The following KMT2C variants were observed in gnomAD, a reference collection of about 807,000 sequenced individuals.
KMT2C encodes the protein lysine methyltransferase 2C.
KMT2C carries 88 observed loss-of-function variants against 507.9 expected under a neutral mutation model. That is an observed-to-expected ratio of 0.17 (90% CI 0.15 to 0.21). The LOEUF is 0.21. KMT2C is among the 10% of genes least tolerant of loss of function. The probability of loss-of-function intolerance (pLI) is 1.00; values close to 1 mark genes in which losing one functional copy is unlikely to be tolerated. For synonymous variants in KMT2C, 2,049 were observed against 2,080.8 expected (o/e 0.98, Z 0.42); for missense variants, 4,954 against 5,957.8 (o/e 0.83, Z 5.55).
chr7:152,407,956 GA>G (rs2097637174), intron 1 of KMT2C, among the ~76,000 whole-genome samples: 1 of 152,284 alleles, frequency 6.6e-6, no homozygotes. Context: ...ACAAAATATG[GA>G]ACATATACTT....
chr7:152,395,573 T>C (rs962519474), intron 1 of KMT2C, among the ~76,000 whole-genome samples: 1 of 152,140 alleles, frequency 6.6e-6, no homozygotes, highest in African/African-American at 2.4e-5. Flanking sequence ...AGTGGCGCCA[T>C]CTTGGCTCAC....
chr7:152,154,059 C>T lies in KMT2C; in HGVS notation c.12227G>A (p.Arg4076Lys). Residue 4076 changes from arginine (R) to lysine (K), a missense_variant, in exon 48 of 59, where the codon AGA becomes AAA. By Grantham distance (26) the Arg-to-Lys change is conservative (BLOSUM62 2). Coordinates refer to ENST00000262189, the MANE Select transcript of KMT2C (RefSeq NM_170606.3). The part of the protein sequence containing the change: ...SPFGPSPNGP[R>K]SGLISVAITL... ...AATTGCTACAGATATAAGACCTGAT[C>T]TGGGACCATTTGGGGAAGGACCAAA... The T allele has an allele frequency of 1.2e-6, 2 of 1,614,100 alleles. No homozygotes were observed. Among genetic ancestry groups the T allele is most frequent in the East Asian group, 2.2e-5 (1 of 44,880 alleles).
chr7:152,327,083 T>A (rs902076238), intron 3 of KMT2C, among the ~76,000 whole-genome samples: 17 of 152,228 alleles, frequency 1.1e-4, no homozygotes, highest in African/African-American at 4.1e-4. Context: ...ACAGTGGTAG[T>A]GGTAGTATAG....
intron 1 of KMT2C, among the ~76,000 whole-genome samples, chr7:152,375,985 T>G (rs758365482): frequency 1.1e-4 from 16 of 151,994 alleles, no homozygotes; most frequent in Non-Finnish European, 1.0e-4. Flanking sequence ...CCTGGCTGAT[T>G]TATTTTTTAT....
At chr7:152,246,864 C>G (rs1433153398) in intron 14 of KMT2C, among the ~76,000 whole-genome samples, 1 of 152,138 alleles carries the variant, frequency 6.6e-6, no homozygotes, top group Non-Finnish European at 1.5e-5. Context: ...CATCTGACAA[C>G]TACTTTCCCT....
rs544532350 is a variant in KMT2C at position 152,172,032 on chromosome 7, T to TA, written c.9375-691dup. Among the ~76,000 whole-genome samples, 340 of 152,270 alleles carry TA rather than the reference T, an allele frequency of 2.2e-3. 1 individual carries two copies. Among genetic ancestry groups the TA allele is most frequent in the Non-Finnish European group, 4.0e-3 (273 of 68,054 alleles). On this transcript the variant is annotated intron_variant, in intron 39 of 58. Coordinates refer to ENST00000262189, the MANE Select transcript of KMT2C (RefSeq NM_170606.3). ...TTTCCTCTGGCATTATCAAATGCTT[T>TA]AACGTATCAAGATATACATACAATT...
At chr7:152,297,057 G>GACAGACAGAA (rs756980169) in intron 6 of KMT2C, among the ~76,000 whole-genome samples, 4 of 90,750 alleles carry the variant, frequency 4.4e-5, no homozygotes, top group African/African-American at 1.9e-4. Context: ...AAGAAAGACA[G>GACAGACAGAA]AGAGAGAGAG....
chr7:152,364,749 GA>G (rs1403918372), intron 1 of KMT2C, among the ~76,000 whole-genome samples: 1 of 152,036 alleles, frequency 6.6e-6, no homozygotes, highest in Non-Finnish European at 1.5e-5. Context: ...AGAACAGTAT[GA>G]AAAATGACAA....
intron 3 of KMT2C, among the ~76,000 whole-genome samples, chr7:152,322,692 T>C (rs1373624872): frequency 1.3e-5 from 2 of 151,850 alleles, no homozygotes; most frequent in Non-Finnish European, 2.9e-5. Flanking sequence ...AAAGCAGTAA[T>C]AGACAAATGG....
Position 152,178,015 on chromosome 7 carries a change from TAAAAA to T in KMT2C, c.7443-10_7443-6del, listed in dbSNP as rs746018833. On this transcript the variant is annotated splice_polypyrimidine_tract_variant and splice_region_variant and intron_variant, in intron 37 of 58. Coordinates refer to ENST00000262189, the MANE Select transcript of KMT2C (RefSeq NM_170606.3). Reference sequence around the variant, plus strand: ...CTACCTCCTGGAAATCCAAATCTTTTAAAAAAAAAAAAAAAAAAAAAAAAAAAGCA... The same window carrying T: ...CTACCTCCTGGAAATCCAAATCTTTTAAAAAAAAAAAAAAAAAAAAAAGCA... The T allele has an allele frequency of 9.9e-4, 800 of 810,146 alleles. No homozygotes were observed. Among genetic ancestry groups the T allele is most frequent in the Middle Eastern group, 2.8e-3 (5 of 1,812 alleles). The allele number at this position is 810,146 out of a possible 1,614,324, so 50.2% of individuals were successfully genotyped here. A position where few individuals can be genotyped will look rare whatever the true frequency, so the allele number is the denominator to read the frequency against.
chr7:152,139,727 G>C lies in KMT2C; in HGVS notation c.14408C>G (p.Thr4803Ser), dbSNP rs2129089868. 1 of 1,614,052 alleles carries C rather than the reference G, an allele frequency of 6.2e-7. No individual in the cohort carries two copies. ...GTTGGCTACTTCGTTTCGAATGATA[G>C]TCCCGATGTACTCAATGACCATGGT... Reference protein sequence around the residue: ...KHTMVIEYIGTIIRNEVANRK... With the variant: ...KHTMVIEYIGSIIRNEVANRK... The change falls in exon 56 of 59, where the codon ACT becomes AGT. Residue 4803 changes from threonine (T) to serine (S), a missense_variant. Thr to Ser is a moderately conservative substitution (Grantham distance 58). This residue lies in a region of KMT2C where 133 missense variants were observed against 258.9 expected (regional missense o/e 0.51). Transcript: ENST00000262189.
chr7:152,255,109 T>TTATGTATATATATATATA (rs1554583517), intron 9 of KMT2C, among the ~76,000 whole-genome samples: 1 of 78,344 alleles, frequency 1.3e-5, no homozygotes, highest in Non-Finnish European at 2.7e-5. Flanking sequence ...CAACTCTCAC[T>TTATGTATATATATATATA]TATATATATA....
At chr7:152,360,251 G>A (rs1324959893) in intron 1 of KMT2C, among the ~76,000 whole-genome samples, 1 of 151,268 alleles carries the variant, frequency 6.6e-6, no homozygotes, top group African/African-American at 2.4e-5. Context: ...GCCGAGGTGG[G>A]TGGATCACCT....
At chr7:152,267,862 T>C (rs1483145007) in intron 7 of KMT2C, among the ~76,000 whole-genome samples, 1 of 152,128 alleles carries the variant, frequency 6.6e-6, no homozygotes, top group Non-Finnish European at 1.5e-5. Flanking sequence ...ACTCACTATC[T>C]CGTGGTCATG....
At chr7:152,364,457 A>C (rs2097220999) in intron 1 of KMT2C, among the ~76,000 whole-genome samples, 1 of 151,852 alleles carries the variant, frequency 6.6e-6, no homozygotes, top group Non-Finnish European at 1.5e-5. Flanking sequence ...AATACAAAAA[A>C]TTAGCCGGGC....
chr7:152,190,962 C>G lies in KMT2C; in HGVS notation c.4660+3047G>C, dbSNP rs187729151. Among the ~76,000 whole-genome samples the G allele has an allele frequency of 3.0e-4, 46 of 152,294 alleles. 1 individual carries two copies. The highest frequency in any genetic ancestry group is 2.3e-3 in the Admixed American group (35 of 15,300). ...ATCCTATACCTCTCACTCAATGTCT[C>G]AAATCTCTCACCACTTTTTTTACTT... On this transcript the variant is annotated intron_variant, in intron 31 of 58. Coordinates refer to ENST00000262189, the MANE Select transcript of KMT2C (RefSeq NM_170606.3).
At chr7:152,290,290 ATATATTTTTTTTTTTTTTT>A (rs2096402920) in intron 6 of KMT2C, among the ~76,000 whole-genome samples, 1 of 32,034 alleles carries the variant, frequency 3.1e-5, no homozygotes, top group African/African-American at 1.6e-4. Context: ...ATATATATAT[ATATATTTTTTTTTTTTTTT>A]TTTTTTTTTT....
intron 6 of KMT2C, among the ~76,000 whole-genome samples, chr7:152,289,595 A>C (rs1445330738): frequency 6.6e-6 from 1 of 152,240 alleles, no homozygotes; most frequent in African/African-American, 2.4e-5. Flanking sequence ...TATTTCTTGA[A>C]AAAAGGAATA....
chr7:152,344,220 T>C (rs563420802), intron 2 of KMT2C, among the ~76,000 whole-genome samples: 74 of 152,300 alleles, frequency 4.9e-4, no homozygotes, highest in African/African-American at 1.8e-3. Context: ...TGCCATCTTA[T>C]CCATGGGGAA....
Sources: allele counts gnomAD v4.1 joint callset (sites outside exome capture counted in the v4.1 genomes callset), GRCh38; gene constraint gnomAD v4.1.1; regional missense constraint gnomAD v4.1.1; transcripts MANE v1.5; gene names NCBI Gene and HGNC (gene_info 2026-07-23, HGNC 2026-07-21).